MDGA2: variants seen among roughly 807,000 people sequenced by gnomAD.
MDGA2 encodes the protein MAM domain containing glycosylphosphatidylinositol anchor 2.
MDGA2 carries 40 observed loss-of-function variants against 117.8 expected under a neutral mutation model. The ratio of observed to expected loss-of-function variants is 0.34; its 90% CI spans 0.26 to 0.44. The LOEUF (loss-of-function observed/expected upper bound fraction) is 0.44, where lower values mean the gene tolerates loss of function less well. MDGA2 is among the 20% of genes least tolerant of loss of function. The probability of loss-of-function intolerance (pLI) is 1.00; values close to 1 mark genes in which losing one functional copy is unlikely to be tolerated. For missense variants in MDGA2, 1,123 were observed against 1,250.6 expected (o/e 0.90, Z 1.54); for synonymous variants, 452 against 439.0 (o/e 1.03, Z -0.37).
chr14:47,425,413 C>T (rs1892667500), intron 1 of MDGA2, among the ~76,000 whole-genome samples: 2 of 152,176 alleles, frequency 1.3e-5, no homozygotes, highest in South Asian at 4.2e-4. Context: ...TAATAGCATC[C>T]ATTACCATCA....
chr14:47,621,306 G>A (rs995707096), intron 1 of MDGA2, among the ~76,000 whole-genome samples: 1 of 151,906 alleles, frequency 6.6e-6, no homozygotes, highest in African/African-American at 2.4e-5. Flanking sequence ...ACTCAAACAT[G>A]CATGGGAGAT....
At chr14:47,291,875 G>A (rs988559578) in intron 2 of MDGA2, among the ~76,000 whole-genome samples, 1 of 152,216 alleles carries the variant, frequency 6.6e-6, no homozygotes. Flanking sequence ...CTTGTGCACT[G>A]TAATATTACA....
At chr14:47,170,771 T>C (rs995711079) in intron 3 of MDGA2, among the ~76,000 whole-genome samples, 6 of 152,196 alleles carry the variant, frequency 3.9e-5, no homozygotes, top group Non-Finnish European at 5.9e-5. Context: ...ACAAGTCTAC[T>C]TAAGAAACAC....
chr14:47,468,583 C>A (rs553970498), intron 1 of MDGA2, among the ~76,000 whole-genome samples: 1 of 152,082 alleles, frequency 6.6e-6, no homozygotes, highest in South Asian at 2.1e-4. Context: ...AATAAGTCAG[C>A]GAACACAAAG....
chr14:47,017,475 T>C (rs1439083276), intron 8 of MDGA2, among the ~76,000 whole-genome samples: 3 of 151,806 alleles, frequency 2.0e-5, no homozygotes, highest in Admixed American at 6.6e-5. Flanking sequence ...GATAGAGCCA[T>C]AAAAAGGGAA....
At chr14:47,135,048 C>T (rs1324564713) in intron 4 of MDGA2, among the ~76,000 whole-genome samples, 1 of 151,958 alleles carries the variant, frequency 6.6e-6, no homozygotes, top group Non-Finnish European at 1.5e-5. Context: ...CTGAATAATA[C>T]TTTTCCAACA....
intron 1 of MDGA2, among the ~76,000 whole-genome samples, chr14:47,466,922 A>G (rs995436467): frequency 3.9e-5 from 6 of 152,074 alleles, no homozygotes; most frequent in Non-Finnish European, 8.8e-5. Flanking sequence ...AATGTAAGTA[A>G]AAGAAGGAGT....
At chr14:47,119,555 A>G (rs966954754) in intron 5 of MDGA2, among the ~76,000 whole-genome samples, 2 of 152,176 alleles carry the variant, frequency 1.3e-5, no homozygotes, top group Non-Finnish European at 2.9e-5. Flanking sequence ...TTATGTGGCT[A>G]TCACATCAGA....
chr14:47,340,769 A>G (rs181607668), intron 1 of MDGA2, among the ~76,000 whole-genome samples: 2 of 152,300 alleles, frequency 1.3e-5, no homozygotes, highest in East Asian at 3.9e-4. Flanking sequence ...CTCAGTCTTC[A>G]ACTCATTCTC....
chr14:47,349,463 T>G (rs1462309102), intron 1 of MDGA2, among the ~76,000 whole-genome samples: 1 of 152,246 alleles, frequency 6.6e-6, no homozygotes, highest in African/African-American at 2.4e-5. Context: ...ACATAATACA[T>G]ATCTTCAAAT....
In MDGA2 at chr14:47,315,094, C is replaced by T. The variant is rs145471100; in HGVS notation, c.281-13544G>A. 1.1e-3 allele frequency among the ~76,000 whole-genome samples: 165 copies of T among 152,030 alleles called. 3 individuals carry two copies. In the East Asian group the frequency reaches 0.029, roughly 27 times the overall value. On this transcript the variant is annotated intron_variant, in intron 1 of 16. Transcript: ENST00000399232. ...TTTGTACAATGAGCACATTTTTTCC[C>T]CCAGAGCTAATATAATGATTCTGTA...
At chr14:47,637,959 A>G (rs764048405) in intron 1 of MDGA2, among the ~76,000 whole-genome samples, 2 of 152,192 alleles carry the variant, frequency 1.3e-5, no homozygotes, top group Non-Finnish European at 2.9e-5. Flanking sequence ...TCATTTGCTT[A>G]CTGTCTCCTT....
intron 2 of MDGA2, among the ~76,000 whole-genome samples, chr14:47,242,656 C>T (rs1887089514): frequency 1.3e-5 from 2 of 151,820 alleles, no homozygotes; most frequent in Admixed American, 6.6e-5. Context: ...CTCGATTTCT[C>T]GCTGGGCCTT....
chr14:47,456,219 G>A (rs1893348918), intron 1 of MDGA2, among the ~76,000 whole-genome samples: 1 of 151,370 alleles, frequency 6.6e-6, no homozygotes, highest in African/African-American at 2.4e-5. Context: ...AAGAGATAAT[G>A]GAAAAGTTGT....
intron 1 of MDGA2, among the ~76,000 whole-genome samples, chr14:47,403,212 T>A (rs1432165091): frequency 6.6e-6 from 1 of 152,188 alleles, no homozygotes. Flanking sequence ...TCTTGTTAAG[T>A]CCCAGATGTC....
In MDGA2 at chr14:46,967,965, A is replaced by AC. The variant is rs201493025; in HGVS notation, c.1820-10323dup. On this transcript the variant is annotated intron_variant, in intron 8 of 16. Transcript: ENST00000399232. ...GATGCCGGGAAAGAGTGAGTGACTG[A>AC]CCCCCAGGGCTTCACAACCCCACCA... Among the ~76,000 whole-genome samples, 634 of 152,050 alleles carry AC rather than the reference A, an allele frequency of 4.2e-3. 32 individuals carry two copies. The East Asian group carries it at 0.11, about 27-fold the overall frequency.
chr14:46,901,830 G>A lies in MDGA2; in HGVS notation c.2238+18182C>T, dbSNP rs147674724. On this transcript the variant is annotated intron_variant, in intron 10 of 16. Coordinates refer to ENST00000399232, the MANE Select transcript of MDGA2 (RefSeq NM_001113498.3). ...AGCATTCTCTGAACCACATTGGCAT[G>A]GCAGTCTTAACTGAGAGCTATGTCC... Among the ~76,000 whole-genome samples the A allele has an allele frequency of 2.2e-3, 341 of 152,266 alleles. 1 individual carries two copies. The highest frequency in any genetic ancestry group is 7.8e-3 in the African/African-American group (324 of 41,552).
At chr14:47,527,580 A>G (rs1229841412) in intron 1 of MDGA2, among the ~76,000 whole-genome samples, 1 of 152,198 alleles carries the variant, frequency 6.6e-6, no homozygotes, top group African/African-American at 2.4e-5. Context: ...ATACAGCAGG[A>G]GTGATGTGGC....
chr14:47,241,786 T>C (rs928908118), intron 2 of MDGA2, among the ~76,000 whole-genome samples: 11 of 151,954 alleles, frequency 7.2e-5, no homozygotes, highest in African/African-American at 2.7e-4. Context: ...AAAAAATGTT[T>C]AACATTCAAT....
Sources: allele counts gnomAD v4.1 joint callset (sites outside exome capture counted in the v4.1 genomes callset), GRCh38; gene constraint gnomAD v4.1.1; transcripts MANE v1.5; gene names NCBI Gene and HGNC (gene_info 2026-07-23, HGNC 2026-07-21).